EXT2: variants seen among roughly 807,000 people sequenced by gnomAD.
EXT2 encodes the protein exostosin-2.
In EXT2, 53 loss-of-function variants were observed where a neutral mutation model predicts 81.6. That is an observed-to-expected ratio of 0.65 (90% confidence interval 0.52 to 0.82). The LOEUF (loss-of-function observed/expected upper bound fraction) is 0.82. Ranked by LOEUF, EXT2 falls within the 40% of genes least tolerant of loss-of-function variation. The pLI is 0.00. For missense variants in EXT2, 774 were observed against 910.2 expected, an observed-to-expected ratio of 0.85 and a Z score of 1.93; for synonymous variants, 320 against 340.0, an observed-to-expected ratio of 0.94 and a Z score of 0.65.
At chr11:44,239,599 G>T (rs1334623865) in intron 13 of EXT2, among the ~76,000 whole-genome samples, 1 of 151,006 alleles carries the variant, frequency 6.6e-6, no homozygotes, top group African/African-American at 2.4e-5. Flanking sequence ...CACCATGTTG[G>T]CCAGGATGGT....
At chr11:44,114,122 C>A in intron 3 of EXT2, 63 bp from the exon 4 acceptor site, 1 of 1,375,008 alleles carries the variant, frequency 7.3e-7, no homozygotes, top group South Asian at 1.2e-5. Flanking sequence ...TGTTCCTCTC[C>A]ACAGTGTGTA....
At chr11:44,183,349 T>A (rs1392014828) in intron 8 of EXT2, among the ~76,000 whole-genome samples, 1 of 152,210 alleles carries the variant, frequency 6.6e-6, no homozygotes, top group Non-Finnish European at 1.5e-5. Flanking sequence ...CCTGAATCAG[T>A]TGTTATAGTG....
intron 10 of EXT2, among the ~76,000 whole-genome samples, chr11:44,223,679 TCGCTCTGTCGCCTGGCGA>T (rs1369269007): frequency 6.7e-6 from 1 of 149,518 alleles, no homozygotes. Context: ...TGACGGAGTC[TCGCTCTGTCGCCTGGCGA>T]CAGAGTGTAG....
At chr11:44,100,582 G>C (rs1590538912) in intron 1 of EXT2, among the ~76,000 whole-genome samples, 1 of 152,338 alleles carries the variant, frequency 6.6e-6, no homozygotes, top group East Asian at 1.9e-4. Flanking sequence ...CTTGGGGTAA[G>C]AGAATGCCAT....
chr11:44,203,860 C>T (rs539130773), intron 9 of EXT2, among the ~76,000 whole-genome samples: 1 of 152,330 alleles, frequency 6.6e-6, no homozygotes, highest in South Asian at 2.1e-4. Context: ...AGTGTGACGC[C>T]ATGCCAGTTG....
At position 44,246,088 on chromosome 11, in the gene EXT2, T is replaced by C. The variant is rs1467444442; in HGVS notation, c.*1801T>C. 6.6e-6 allele frequency among the ~76,000 whole-genome samples: 1 copy of C among 152,210 alleles called. No homozygotes were observed. The highest frequency in any genetic ancestry group is 1.9e-4 in the East Asian group (1 of 5,200). On this transcript the variant is annotated 3_prime_UTR_variant, in exon 14 of 14. Transcript: ENST00000533608. ...TGTATTCATAATATTGGGGACGATA[T>C]GGTAGAAAGCCAGGAAAAATATTTC...
chr11:44,144,382 C>T (rs1479671089), intron 7 of EXT2: 1 of 1,507,420 alleles, frequency 6.6e-7, no homozygotes, highest in East Asian at 2.3e-5. Context: ...AAATGAATCT[C>T]TAGTCTCTTT....
rs114465470 is a variant in EXT2, at chr11:44,097,104, G to A, written c.-31+1252G>A. On this transcript the variant is annotated intron_variant, in intron 1 of 13. Coordinates refer to ENST00000533608, the MANE Select transcript of EXT2 (RefSeq NM_207122.2). The stretch of plus-strand genomic sequence containing the variant: ...GGGCCAGGTACTTAAACTTTCTGTT[G>A]TACTATCCCCATCTGTAAAATGAGG... 3.8e-3 allele frequency among the ~76,000 whole-genome samples: 575 copies of A among 152,254 alleles called. 4 individuals carry two copies. Among genetic ancestry groups the A allele is most frequent in the African/African-American group, 0.013 (550 of 41,536 alleles).
rs367821813 is a variant in EXT2 at position 44,166,642 on chromosome 11, A to C, written c.1174-4969A>C. ...GAACACTTGCCCAGGAAACAGAAGC[A>C]GAGTAAGCACATCTAGACTAGAAAG... On this transcript the variant is annotated intron_variant, in intron 7 of 13. Coordinates refer to ENST00000533608, the MANE Select transcript of EXT2 (RefSeq NM_207122.2). 1.9e-4 allele frequency among the ~76,000 whole-genome samples: 29 copies of C among 152,376 alleles called. 1 individual carries two copies. The highest frequency in any genetic ancestry group is 1.2e-3 in the East Asian group (6 of 5,186).
At chr11:44,217,331 G>A (rs1034661324) in intron 10 of EXT2, among the ~76,000 whole-genome samples, 8 of 152,098 alleles carry the variant, frequency 5.3e-5, no homozygotes, top group Non-Finnish European at 7.3e-5. Context: ...ACAGACATTT[G>A]GACCGAATAC....
rs980804892 is a variant in EXT2, at chr11:44,215,901, G to A, written c.1662+8942G>A. On this transcript the variant is annotated intron_variant, in intron 10 of 13. Transcript: ENST00000533608. Reference sequence around the variant, plus strand: ...TTTTTTTTTTTTGAGACGGAGTCTCGCTCTGTCGCCCAGGTCGGACTGCGG... The same window carrying A: ...TTTTTTTTTTTTGAGACGGAGTCTCACTCTGTCGCCCAGGTCGGACTGCGG... 5.1e-5 allele frequency among the ~76,000 whole-genome samples: 7 copies of A among 136,562 alleles called. No homozygotes were observed. In the South Asian group the frequency reaches 1.6e-3, roughly 31 times the overall value. The allele number at this position is 136,562 out of a possible 152,430, so 89.6% of individuals were successfully genotyped here.
chr11:44,211,196 G>A (rs1955644008), intron 10 of EXT2, among the ~76,000 whole-genome samples: 1 of 152,200 alleles, frequency 6.6e-6, no homozygotes, highest in African/African-American at 2.4e-5. Flanking sequence ...AATTGATACA[G>A]CCATTTTGGA....
intron 7 of EXT2, among the ~76,000 whole-genome samples, chr11:44,139,699 G>C (rs1349079682): frequency 1.3e-5 from 2 of 152,158 alleles, no homozygotes; most frequent in Non-Finnish European, 2.9e-5. Context: ...AGGGGCTAAA[G>C]CACTCCCATA....
chr11:44,126,863 A>G lies in EXT2; in HGVS notation c.987A>G (p.Ala329=). 1 of 1,614,168 alleles carries G rather than the reference A, an allele frequency of 6.2e-7. No individual in the cohort carries two copies. The highest frequency in any genetic ancestry group is 8.5e-7 in the Non-Finnish European group (1 of 1,180,040). The change falls in exon 6 of 14, where the codon GCA becomes GCG. Residue 329 remains alanine (A), a synonymous_variant. Transcript: ENST00000533608. ...VVLRGARLGQ[A]VLSDVLQAGC... ...TTCGTGGAGCTCGGCTGGGCCAGGC[A>G]GTATTGAGCGATGTGTTACAAGCTG...
chr11:44,135,571 T>C (rs191383477), intron 7 of EXT2, among the ~76,000 whole-genome samples: 113 of 152,158 alleles, frequency 7.4e-4, no homozygotes, highest in Admixed American at 7.2e-3. Context: ...TTGGTATTTT[T>C]AGTAGAGATG....
intron 4 of EXT2, among the ~76,000 whole-genome samples, chr11:44,123,188 C>T (rs1954343999): frequency 6.6e-6 from 1 of 152,156 alleles, no homozygotes; most frequent in East Asian, 1.9e-4. Flanking sequence ...AAGGAGATGA[C>T]CTTCTCAGTT....
chr11:44,111,812 T>C lies in EXT2; in HGVS notation c.627-2373T>C, dbSNP rs530105066. 7.2e-5 allele frequency among the ~76,000 whole-genome samples: 11 copies of C among 152,338 alleles called. 1 individual carries two copies. Among genetic ancestry groups the C allele is most frequent in the African/African-American group, 2.4e-4 (10 of 41,576 alleles). On this transcript the variant is annotated intron_variant, in intron 3 of 13. Coordinates refer to ENST00000533608, the MANE Select transcript of EXT2 (RefSeq NM_207122.2). ...GAAACAAATGCCAGACATCAGATCC[T>C]TGCATCTGTAAATATTGTGTGAATC...
rs187425305 is a variant in EXT2 at position 44,170,619 on chromosome 11, T to A, written c.1174-992T>A. 9.2e-5 allele frequency among the ~76,000 whole-genome samples: 14 copies of A among 152,290 alleles called. 1 individual carries two copies. Among genetic ancestry groups the A allele is most frequent in the Admixed American group, 9.2e-4 (14 of 15,290 alleles). On this transcript the variant is annotated intron_variant, in intron 7 of 13. Transcript: ENST00000533608. Reference sequence around the variant, plus strand: ...CAACAGTATCAGGAATGAAAAGAGATGTATTACAATAGATTCTACAGGTGT... The same window carrying A: ...CAACAGTATCAGGAATGAAAAGAGAAGTATTACAATAGATTCTACAGGTGT...
intron 7 of EXT2, among the ~76,000 whole-genome samples, chr11:44,165,830 G>A (rs980553524): frequency 6.6e-6 from 1 of 152,150 alleles, no homozygotes; most frequent in African/African-American, 2.4e-5. Flanking sequence ...CTTGAAAAAG[G>A]GTGATTTTCT....
Sources: gnomAD v4.1 joint callset for allele counts (sites outside exome capture counted in the v4.1 genomes callset) on GRCh38, gnomAD v4.1.1 for gene constraint, MANE v1.5 for transcripts, NCBI Gene and HGNC (gene_info 2026-07-23, HGNC 2026-07-21) for gene names.